Variants in LRIG1 observed in about 807,000 individuals in gnomAD.
The protein encoded by LRIG1 is leucine-rich repeats and immunoglobulin-like domains protein 1.
Under a neutral mutation model 99.2 loss-of-function variants are expected in LRIG1, and 48 were observed. The ratio of observed to expected loss-of-function variants is 0.48; its 90% CI spans 0.38 to 0.62. LRIG1 has a LOEUF of 0.62. Ranked by LOEUF, LRIG1 falls within the 20% of genes least tolerant of loss-of-function variation. The pLI is 0.00. For synonymous variants in LRIG1, 772 were observed against 596.1 expected (o/e 1.29, Z -4.30); for missense variants, 1,646 against 1,434.4 (o/e 1.15, Z -2.38).
Position 66,500,260 on chromosome 3 carries a change from C to A in LRIG1, c.148G>T (p.Asp50Tyr). Residue 50 changes from aspartate (D) to tyrosine (Y), a missense_variant, in exon 1 of 19, where the codon GAC becomes TAC. Transcript: ENST00000273261. ...CCGCGCCCACCGCAGTCCAGCGAGT[C>A]CCCAGCGCAAGTGCAGGCGGCCGCG... Reference protein sequence around the residue: ...PCAAACTCAGDSLDCGGRGLA... With the variant: ...PCAAACTCAGYSLDCGGRGLA... 6.6e-7 allele frequency: 1 copy of A among 1,503,816 alleles called. No homozygotes were observed. The highest frequency in any genetic ancestry group is 1.4e-5 in the African/African-American group (1 of 69,622). 93.2% of individuals were successfully genotyped at this position (1,503,816 alleles called of 1,614,324 possible).
intron 11 of LRIG1, among the ~76,000 whole-genome samples, chr3:66,397,108 G>A (rs1701878810): frequency 6.6e-6 from 1 of 152,216 alleles, no homozygotes; most frequent in Non-Finnish European, 1.5e-5. Context: ...CCCTTGCAAG[G>A]ACGGTATCTA....
chr3:66,382,201 C>T (rs1559763795), intron 16 of LRIG1, 72 bp downstream of exon 16: 19 of 1,582,240 alleles, frequency 1.2e-5, no homozygotes, highest in Non-Finnish European at 1.6e-5. Context: ...CCTGTAAAGA[C>T]CTGGAGGCCA....
At chr3:66,381,682 G>C (rs1559763318) in intron 16 of LRIG1, 51 bp from the exon 17 acceptor site, 1 of 1,585,542 alleles carries the variant, frequency 6.3e-7, no homozygotes, top group African/African-American at 1.3e-5. Flanking sequence ...GTATTTCACA[G>C]TAAGCCTTAT....
intron 2 of LRIG1, among the ~76,000 whole-genome samples, chr3:66,457,624 CAAT>C (rs1227037380): frequency 6.6e-6 from 1 of 152,220 alleles, no homozygotes; most frequent in Non-Finnish European, 1.5e-5. Context: ...GTAACACCAA[CAAT>C]GTGTTACGAT....
At chr3:66,464,798 A>C (rs924010336) in intron 1 of LRIG1, among the ~76,000 whole-genome samples, 1 of 152,212 alleles carries the variant, frequency 6.6e-6, no homozygotes, top group African/African-American at 2.4e-5. Context: ...CATTTAAGTC[A>C]CAACACCCTT....
intron 1 of LRIG1, among the ~76,000 whole-genome samples, chr3:66,496,953 T>C (rs976047174): frequency 6.6e-6 from 1 of 152,264 alleles, no homozygotes; most frequent in African/African-American, 2.4e-5. Context: ...GTTTATTTTC[T>C]AAGGTAATCA....
intron 1 of LRIG1, among the ~76,000 whole-genome samples, chr3:66,496,335 C>G (rs1701227216): frequency 6.6e-6 from 1 of 152,180 alleles, no homozygotes; most frequent in Non-Finnish European, 1.5e-5. Flanking sequence ...TTTAGCAGTA[C>G]TCAAAGAATA....
At chr3:66,393,234 C>T (rs1367487126) in intron 12 of LRIG1, among the ~76,000 whole-genome samples, 2 of 152,182 alleles carry the variant, frequency 1.3e-5, no homozygotes, top group Non-Finnish European at 2.9e-5. Context: ...TCTCAAGGCT[C>T]AAGGGAGACC....
At chr3:66,390,547 T>C (rs1046196366) in intron 12 of LRIG1, among the ~76,000 whole-genome samples, 9 of 152,202 alleles carry the variant, frequency 5.9e-5, no homozygotes, top group African/African-American at 2.2e-4. Context: ...CTTCTCACAT[T>C]AGTCTATAGA....
chr3:66,467,184 T>C (rs1175078804), intron 1 of LRIG1, among the ~76,000 whole-genome samples: 2 of 152,252 alleles, frequency 1.3e-5, no homozygotes, highest in African/African-American at 4.8e-5. Context: ...ACAAGTCCCC[T>C]TGCCCCAACC....
chr3:66,476,911 G>A (rs753124270), intron 1 of LRIG1, among the ~76,000 whole-genome samples: 1 of 152,122 alleles, frequency 6.6e-6, no homozygotes, highest in East Asian at 1.9e-4. Context: ...AAACACTTCC[G>A]TTCCCTTCAA....
intron 11 of LRIG1, among the ~76,000 whole-genome samples, chr3:66,394,885 A>G (rs1038823444): frequency 9.8e-5 from 15 of 152,344 alleles, no homozygotes; most frequent in African/African-American, 2.2e-4. Flanking sequence ...TGCTCCCTAA[A>G]TAGTGCTTGT....
At chr3:66,382,620 CAAG>C (rs1701144497) in intron 15 of LRIG1, among the ~76,000 whole-genome samples, 1 of 146,944 alleles carries the variant, frequency 6.8e-6, no homozygotes, top group Non-Finnish European at 1.5e-5. Flanking sequence ...CCAGACGCCA[CAAG>C]AAGTGGAGAC....
intron 3 of LRIG1, among the ~76,000 whole-genome samples, chr3:66,431,854 T>C (rs1042194130): frequency 6.6e-6 from 1 of 152,114 alleles, no homozygotes; most frequent in African/African-American, 2.4e-5. Flanking sequence ...GCCACCATGC[T>C]AAACCAAAAG....
chr3:66,499,690 G>C (rs905407646), intron 1 of LRIG1, among the ~76,000 whole-genome samples: 2 of 152,108 alleles, frequency 1.3e-5, no homozygotes, highest in Non-Finnish European at 2.9e-5. Flanking sequence ...GTAAACGAAA[G>C]ACTGGACCCA....
In LRIG1 at chr3:66,500,778, C is replaced by G; in HGVS notation, c.-371G>C. 6.1e-6 allele frequency: 1 copy of G among 163,256 alleles called. No homozygotes were observed. The highest frequency in any genetic ancestry group is 1.3e-5 in the Non-Finnish European group (1 of 75,716). The allele number at this position is 163,256 out of a possible 1,614,324, so 10.1% of individuals were successfully genotyped here. ...CAGTGCTGCCGCTGCGCCTGGAAGA[C>G]AGGCGTTCAGCCCCGCAGCCCGAGC... On this transcript the variant is annotated 5_prime_UTR_variant, in exon 1 of 19. Coordinates refer to ENST00000273261, the MANE Select transcript of LRIG1 (RefSeq NM_015541.3).
At chr3:66,462,752 C>T (rs572239634) in intron 1 of LRIG1, among the ~76,000 whole-genome samples, 18 of 152,274 alleles carry the variant, frequency 1.2e-4, no homozygotes, top group Non-Finnish European at 1.9e-4. Context: ...AGTATCATTT[C>T]ACTATTTAAC....
chr3:66,447,317 A>AT (rs999157507), intron 3 of LRIG1, among the ~76,000 whole-genome samples: 10 of 152,056 alleles, frequency 6.6e-5, no homozygotes, highest in Non-Finnish European at 1.3e-4. Flanking sequence ...TCTTCATTCT[A>AT]TTTTTTTGTA....
intron 15 of LRIG1, 84 bp downstream of exon 15, chr3:66,382,898 A>G: frequency 3.8e-6 from 5 of 1,317,924 alleles, no homozygotes; most frequent in East Asian, 2.4e-5. Flanking sequence ...AATTCTTTCA[A>G]AAGCCACTGG....
Sources: allele counts gnomAD v4.1 joint callset (sites outside exome capture counted in the v4.1 genomes callset), GRCh38; gene constraint gnomAD v4.1.1; transcripts MANE v1.5; gene names NCBI Gene and HGNC (gene_info 2026-07-23, HGNC 2026-07-21).